The following TMEM108 variants were observed in gnomAD, a reference collection of about 807,000 sequenced individuals.
TMEM108 encodes transmembrane protein 108.
TMEM108 carries 12 observed loss-of-function variants against 35.1 expected under a neutral mutation model. The observed-to-expected ratio is 0.34, with a 90% CI of 0.22 to 0.55. The LOEUF is 0.55. Among genes scored for constraint, TMEM108 ranks in the 20% least tolerant of loss-of-function variants. TMEM108 has a pLI of 0.89. For missense variants in TMEM108, 680 were observed against 753.3 expected (o/e 0.90, Z 1.14); for synonymous variants, 287 against 308.6 (o/e 0.93, Z 0.73).
intron 3 of TMEM108, among the ~76,000 whole-genome samples, chr3:133,318,159 G>A (rs2071221755): frequency 6.6e-6 from 1 of 152,180 alleles, no homozygotes; most frequent in African/African-American, 2.4e-5. Context: ...AAACACATTG[G>A]ATTTCAAACT....
chr3:133,318,816 T>G (rs891109679), intron 3 of TMEM108, among the ~76,000 whole-genome samples: 3 of 151,036 alleles, frequency 2.0e-5, no homozygotes, highest in African/African-American at 7.3e-5. Flanking sequence ...ATGTGGAGAC[T>G]CACACCATGG....
At chr3:133,394,764 T>A (rs2073281738) in intron 5 of TMEM108, among the ~76,000 whole-genome samples, 1 of 152,288 alleles carries the variant, frequency 6.6e-6, no homozygotes, top group African/African-American at 2.4e-5. Context: ...TCTTGTCTTC[T>A]GAAAAGACAT....
intron 3 of TMEM108, among the ~76,000 whole-genome samples, chr3:133,254,312 A>G (rs564534579): frequency 9.2e-5 from 14 of 152,368 alleles, no homozygotes; most frequent in African/African-American, 3.1e-4. Context: ...AATAGTGACA[A>G]CAAAGGCTTC....
chr3:133,039,910 G>C (rs1347857567), intron 1 of TMEM108, among the ~76,000 whole-genome samples: 1 of 152,066 alleles, frequency 6.6e-6, no homozygotes, highest in Non-Finnish European at 1.5e-5. Flanking sequence ...CCTGTGAAAT[G>C]CCTACACTTG....
chr3:133,126,869 G>A (rs1386229457), intron 2 of TMEM108, among the ~76,000 whole-genome samples: 2 of 151,994 alleles, frequency 1.3e-5, no homozygotes, highest in African/African-American at 4.8e-5. Context: ...CAATGTAAAT[G>A]CTATGTAAAT....
chr3:133,376,183 A>G (rs1291016240), intron 3 of TMEM108, among the ~76,000 whole-genome samples: 1 of 152,038 alleles, frequency 6.6e-6, no homozygotes, highest in African/African-American at 2.4e-5. Flanking sequence ...GGAGGATGTT[A>G]GTTCCTGGAA....
intron 2 of TMEM108, among the ~76,000 whole-genome samples, chr3:133,142,347 G>T (rs1391948323): frequency 6.6e-6 from 1 of 152,184 alleles, no homozygotes; most frequent in Admixed American, 6.5e-5. Context: ...CGGACAGGAA[G>T]GGTGCTGAGG....
intron 2 of TMEM108, among the ~76,000 whole-genome samples, chr3:133,062,135 C>T (rs571636812): frequency 6.6e-6 from 1 of 152,318 alleles, no homozygotes; most frequent in East Asian, 1.9e-4. Flanking sequence ...CACTAATTAG[C>T]TTTGCAAGTA....
intron 2 of TMEM108, among the ~76,000 whole-genome samples, chr3:133,064,835 C>T (rs1943576305): frequency 6.6e-6 from 1 of 151,810 alleles, no homozygotes; most frequent in South Asian, 2.1e-4. Flanking sequence ...ACAAATAAAT[C>T]TATCCTAGAG....
At chr3:133,128,839 G>A (rs2107741571) in intron 2 of TMEM108, among the ~76,000 whole-genome samples, 1 of 152,246 alleles carries the variant, frequency 6.6e-6, no homozygotes, top group African/African-American at 2.4e-5. Context: ...TGTTCACTTA[G>A]AGGTTAAGCT....
At chr3:133,257,089 CG>C (rs1946558698) in intron 3 of TMEM108, 1 of 152,118 alleles carries the variant, frequency 6.6e-6, no homozygotes, top group Admixed American at 6.5e-5. Context: ...TGGGTAGAGA[CG>C]ACAGGAGGTC....
intron 2 of TMEM108, among the ~76,000 whole-genome samples, chr3:133,145,124 T>C (rs1944698774): frequency 1.3e-5 from 2 of 152,226 alleles, no homozygotes; most frequent in African/African-American, 4.8e-5. Flanking sequence ...TTAATCAATC[T>C]TGAATTAATT....
intron 2 of TMEM108, among the ~76,000 whole-genome samples, chr3:133,052,404 C>G (rs1345510817): frequency 2.0e-5 from 3 of 151,562 alleles, no homozygotes; most frequent in Non-Finnish European, 4.4e-5. Flanking sequence ...GATTTTCTAC[C>G]CAGGTGATCA....
chr3:133,264,849 A>G (rs957476257), intron 3 of TMEM108, among the ~76,000 whole-genome samples: 5 of 152,206 alleles, frequency 3.3e-5, no homozygotes, highest in African/African-American at 7.2e-5. Flanking sequence ...AAAACAGTGC[A>G]GGAAACAGAA....
At chr3:133,191,552 T>C (rs1945497823) in intron 2 of TMEM108, among the ~76,000 whole-genome samples, 1 of 152,194 alleles carries the variant, frequency 6.6e-6, no homozygotes, top group East Asian at 1.9e-4. Flanking sequence ...TTTAATGTCA[T>C]CTTCACTCTG....
chr3:133,280,888 G>A (rs76097664), intron 3 of TMEM108, among the ~76,000 whole-genome samples: 2,288 of 152,288 alleles, frequency 0.015, 69 homozygotes, highest in African/African-American at 0.052. Context: ...ACTTATTCAC[G>A]TGGAGGCTGA....
chr3:133,228,364 C>T lies in TMEM108; in HGVS notation c.-46-902C>T, dbSNP rs76062441. On this transcript the variant is annotated intron_variant, in intron 2 of 5. Coordinates refer to ENST00000321871, the MANE Select transcript of TMEM108 (RefSeq NM_023943.4). ...AAACATTGAGACCGAATATTTGCCT[C>T]TCGGCAGAGATGAAATTATTAATTT... Among the ~76,000 whole-genome samples, 1,428 of 152,226 alleles carry T rather than the reference C, an allele frequency of 9.4e-3. 24 individuals carry two copies. The highest frequency in any genetic ancestry group is 0.033 in the African/African-American group (1,351 of 41,534).
At chr3:133,300,608 T>C (rs904161154) in intron 3 of TMEM108, among the ~76,000 whole-genome samples, 1 of 151,988 alleles carries the variant, frequency 6.6e-6, no homozygotes, top group Non-Finnish European at 1.5e-5. Flanking sequence ...GAGAGCCTTT[T>C]TGTGGTTTTT....
intron 3 of TMEM108, among the ~76,000 whole-genome samples, chr3:133,373,642 A>G (rs1360844542): frequency 6.6e-6 from 1 of 152,154 alleles, no homozygotes; most frequent in East Asian, 1.9e-4. Context: ...AATAATCTTG[A>G]AATTAGAAAA....
Sources: gnomAD v4.1 joint callset for allele counts (sites outside exome capture counted in the v4.1 genomes callset) on GRCh38, gnomAD v4.1.1 for gene constraint, MANE v1.5 for transcripts, NCBI Gene and HGNC (gene_info 2026-07-23, HGNC 2026-07-21) for gene names.